KCNH7: variants seen among roughly 807,000 people sequenced by gnomAD.
The protein encoded by KCNH7 is voltage-gated inwardly rectifying potassium channel KCNH7.
KCNH7 carries 49 observed loss-of-function variants against 120.8 expected under a neutral mutation model. That is an observed-to-expected ratio of 0.41 (90% CI 0.32 to 0.51). The LOEUF (loss-of-function observed/expected upper bound fraction) is 0.51, where lower values mean the gene tolerates loss of function less well. Ranked by LOEUF, KCNH7 falls within the 20% of genes least tolerant of loss-of-function variation. The pLI, the probability that KCNH7 is intolerant of heterozygous loss-of-function variation, is 0.38. For synonymous variants in KCNH7, 547 were observed against 516.1 expected, an observed-to-expected ratio of 1.06 and a Z score of -0.81; for missense variants, 1,097 against 1,446.6, an observed-to-expected ratio of 0.76 and a Z score of 3.92.
At chr2:162,673,636 G>T (rs1685436159) in intron 2 of KCNH7, among the ~76,000 whole-genome samples, 2 of 152,044 alleles carry the variant, frequency 1.3e-5, no homozygotes, top group South Asian at 4.1e-4. Context: ...TGCTCATTCA[G>T]TATGGCCCCT....
chr2:162,455,581 T>C (rs1688936699), intron 6 of KCNH7, among the ~76,000 whole-genome samples: 1 of 152,154 alleles, frequency 6.6e-6, no homozygotes, highest in Non-Finnish European at 1.5e-5. Context: ...CTTTTTTTGG[T>C]TAGTAGGCTA....
At chr2:162,739,397 C>A (rs531142538) in intron 2 of KCNH7, among the ~76,000 whole-genome samples, 1 of 152,280 alleles carries the variant, frequency 6.6e-6, no homozygotes, top group South Asian at 2.1e-4. Flanking sequence ...TCATCTGACA[C>A]ATTGCCAGCC....
At chr2:162,791,889 C>T (rs1331808771) in intron 2 of KCNH7, among the ~76,000 whole-genome samples, 1 of 151,948 alleles carries the variant, frequency 6.6e-6, no homozygotes, top group Non-Finnish European at 1.5e-5. Flanking sequence ...CCAGTTTTTG[C>T]CCATTCAGTA....
intron 2 of KCNH7, among the ~76,000 whole-genome samples, chr2:162,574,599 T>C (rs1396221472): frequency 6.6e-6 from 1 of 152,114 alleles, no homozygotes; most frequent in Non-Finnish European, 1.5e-5. Flanking sequence ...AAGTATTCAA[T>C]GTTATGAATG....
intron 6 of KCNH7, among the ~76,000 whole-genome samples, chr2:162,484,224 C>G (rs1376251731): frequency 6.8e-6 from 1 of 147,994 alleles, no homozygotes; most frequent in Non-Finnish European, 1.5e-5. Flanking sequence ...TCTTTCAACA[C>G]ACACACACAC....
intron 6 of KCNH7, among the ~76,000 whole-genome samples, chr2:162,470,400 C>G (rs373811635): frequency 1.3e-5 from 2 of 151,472 alleles, no homozygotes; most frequent in African/African-American, 2.4e-5. Context: ...CCGGCCGCCC[C>G]GTCTGAGAAG....
chr2:162,687,381 T>C (rs1685934518), intron 2 of KCNH7, among the ~76,000 whole-genome samples: 1 of 152,146 alleles, frequency 6.6e-6, no homozygotes, highest in Admixed American at 6.6e-5. Flanking sequence ...ATTGTGTACC[T>C]TTAAAATTAG....
At chr2:162,582,363 T>G (rs573214023) in intron 2 of KCNH7, among the ~76,000 whole-genome samples, 5 of 152,182 alleles carry the variant, frequency 3.3e-5, no homozygotes, top group East Asian at 1.9e-4. Context: ...TGGAGTGATA[T>G]TCTAGCATTT....
At chr2:162,684,731 T>C (rs937038959) in intron 2 of KCNH7, among the ~76,000 whole-genome samples, 2 of 152,030 alleles carry the variant, frequency 1.3e-5, no homozygotes, top group African/African-American at 4.8e-5. Context: ...GAAATAGGAA[T>C]GCTTTTACAC....
intron 2 of KCNH7, among the ~76,000 whole-genome samples, chr2:162,753,028 G>GAAAAA (rs1292002226): frequency 7.5e-6 from 1 of 133,482 alleles, no homozygotes. Flanking sequence ...GAAAAGAAAA[G>GAAAAA]AAACCCTGAC....
intron 6 of KCNH7, among the ~76,000 whole-genome samples, chr2:162,462,536 CAAGA>C (rs1201793798): frequency 2.3e-5 from 3 of 129,620 alleles, no homozygotes; most frequent in African/African-American, 3.5e-5. Flanking sequence ...AGAGAGAGAG[CAAGA>C]GAGAGAGAGA....
chr2:162,683,381 T>A (rs940060742), intron 2 of KCNH7, among the ~76,000 whole-genome samples: 1 of 151,934 alleles, frequency 6.6e-6, no homozygotes. Context: ...GAAAAATTTC[T>A]ACTTGAAAGT....
intron 2 of KCNH7, among the ~76,000 whole-genome samples, chr2:162,611,667 G>C (rs1682969400): frequency 6.6e-6 from 1 of 152,054 alleles, no homozygotes; most frequent in Non-Finnish European, 1.5e-5. Flanking sequence ...AGTAAAAAGA[G>C]TTTTTATTTT....
At chr2:162,812,694 C>A (rs1294157638) in intron 2 of KCNH7, among the ~76,000 whole-genome samples, 1 of 151,938 alleles carries the variant, frequency 6.6e-6, no homozygotes, top group Non-Finnish European at 1.5e-5. Flanking sequence ...AGTGAAGAAA[C>A]AGTTCTACAG....
chr2:162,442,157 C>T (rs993572264), intron 7 of KCNH7, among the ~76,000 whole-genome samples: 12 of 151,382 alleles, frequency 7.9e-5, no homozygotes, highest in Non-Finnish European at 1.5e-4. Flanking sequence ...TCCCGAGTAG[C>T]TGGGACTACA....
intron 2 of KCNH7, among the ~76,000 whole-genome samples, chr2:162,569,220 C>T (rs1192965185): frequency 1.3e-5 from 2 of 151,848 alleles, no homozygotes; most frequent in Non-Finnish European, 2.9e-5. Context: ...TGTTATTGGT[C>T]TATTCAGAGA....
intron 2 of KCNH7, among the ~76,000 whole-genome samples, chr2:162,574,876 C>G (rs981027653): frequency 6.6e-6 from 1 of 152,076 alleles, no homozygotes; most frequent in Admixed American, 6.6e-5. Context: ...AAAAGTCAAA[C>G]ATTAACTATT....
intron 2 of KCNH7, among the ~76,000 whole-genome samples, chr2:162,802,610 T>C (rs1201367411): frequency 6.6e-6 from 1 of 151,768 alleles, no homozygotes; most frequent in Non-Finnish European, 1.5e-5. Flanking sequence ...CTGGTAGCTA[T>C]AGCAAAAATG....
intron 2 of KCNH7, among the ~76,000 whole-genome samples, chr2:162,718,496 G>C (rs1687212638): frequency 6.6e-6 from 1 of 151,938 alleles, no homozygotes; most frequent in Admixed American, 6.6e-5. Flanking sequence ...GCCCACTGTA[G>C]AGAACATGGT....
Sources: gnomAD v4.1 joint callset for allele counts (sites outside exome capture counted in the v4.1 genomes callset) on GRCh38, gnomAD v4.1.1 for gene constraint, MANE v1.5 for transcripts, NCBI Gene and HGNC (gene_info 2026-07-23, HGNC 2026-07-21) for gene names.